CAMTA1: variants seen among roughly 807,000 people sequenced by gnomAD.
The protein encoded by CAMTA1 is calmodulin binding transcription activator 1, also known as calmodulin-binding transcription activator 1.
In CAMTA1, 27 loss-of-function variants were observed where a neutral mutation model predicts 170.9. The ratio of observed to expected loss-of-function variants is 0.16; its 90% CI spans 0.12 to 0.22. The LOEUF (loss-of-function observed/expected upper bound fraction) is 0.22. CAMTA1 is among the 10% of genes least tolerant of loss of function. The pLI is 1.00. For missense variants in CAMTA1, 1,619 were observed against 2,217.2 expected, an observed-to-expected ratio of 0.73 and a Z score of 5.42; for synonymous variants, 833 against 891.5, an observed-to-expected ratio of 0.93 and a Z score of 1.17.
In CAMTA1 at chr1:6,971,357, C is replaced by G. The variant is rs77977945; in HGVS notation, c.235-119947C>G. Among the ~76,000 whole-genome samples, 5,323 of 152,234 alleles carry G rather than the reference C, an allele frequency of 0.035. 128 individuals carry two copies. Among genetic ancestry groups the G allele is most frequent in the Non-Finnish European group, 0.055 (3,744 of 68,012 alleles). ...AAAAGGTAATCAAATAGCAGACGAT[C>G]GGATTGTATCCGTGTCATTCTGCTG... On this transcript the variant is annotated intron_variant, in intron 3 of 22. Coordinates refer to ENST00000303635, the MANE Select transcript of CAMTA1 (RefSeq NM_015215.4). The surrounding 1 kb of genome is among the most constrained non-coding windows in gnomAD (Gnocchi z 4.6).
At chr1:6,923,887 T>C (rs1452150973) in intron 3 of CAMTA1, among the ~76,000 whole-genome samples, 2 of 152,224 alleles carry the variant, frequency 1.3e-5, no homozygotes, top group East Asian at 1.9e-4. Flanking sequence ...GATAATTGTT[T>C]TCTATCACAG....
In CAMTA1 at chr1:6,820,232, A is replaced by T. The variant is rs997449782; in HGVS notation, c.97A>T (p.Thr33Ser). Residue 33 changes from threonine to serine, a missense_variant, in exon 2 of 23, where the codon ACC becomes TCC. Physicochemically the swap from Thr to Ser is moderately conservative, Grantham distance 58. This residue lies in a region of CAMTA1 where 61 missense variants were observed against 57.7 expected (regional missense o/e 1.06). Transcript: ENST00000303635. Reference sequence around the variant, plus strand: ...AACTAGCACCTACTGTGTTCTCAACACCGTGCCACCTATAGAAGGTAGGAT... The same window carrying T: ...AACTAGCACCTACTGTGTTCTCAACTCCGTGCCACCTATAGAAGGTAGGAT... Reference protein sequence around the residue: ...CGTSTYCVLNTVPPIEDDHGN... With the variant: ...CGTSTYCVLNSVPPIEDDHGN... 15 of 1,613,838 alleles carry T rather than the reference A, an allele frequency of 9.3e-6. No individual in the cohort carries two copies. The African/African-American group carries it at 1.7e-4, about 19-fold the overall frequency.
intron 5 of CAMTA1, among the ~76,000 whole-genome samples, chr1:7,417,647 G>A (rs2091280262): frequency 1.3e-5 from 2 of 152,210 alleles, no homozygotes; most frequent in African/African-American, 2.4e-5. Context: ...TAGGGTGGGA[G>A]TGACCCAATT....
At chr1:7,704,529 T>A (rs933052133) in intron 11 of CAMTA1, among the ~76,000 whole-genome samples, 1 of 147,360 alleles carries the variant, frequency 6.8e-6, no homozygotes, top group Non-Finnish European at 1.5e-5. Context: ...GCCCCCGCCG[T>A]CCAGCGCGGC....
intron 4 of CAMTA1, among the ~76,000 whole-genome samples, chr1:7,138,560 C>T (rs1051244382): frequency 3.3e-5 from 5 of 152,158 alleles, no homozygotes; most frequent in African/African-American, 7.2e-5. Context: ...TCTCCCATCC[C>T]GCCTCCCACA....
At position 7,535,635 on chromosome 1, in the gene CAMTA1, A is replaced by C. The variant is rs540726336; in HGVS notation, c.510+67734A>C. Among the ~76,000 whole-genome samples the C allele has an allele frequency of 6.6e-5, 10 of 152,280 alleles. No individual in the cohort carries two copies. In the East Asian group the frequency reaches 1.2e-3, roughly 18 times the overall value. On this transcript the variant is annotated intron_variant, in intron 6 of 22. Coordinates refer to ENST00000303635, the MANE Select transcript of CAMTA1 (RefSeq NM_015215.4). Reference sequence around the variant, plus strand: ...CTTGCAAGCTGGAGAAGACCTTGGAATATGTCACTGATGCAAACACAGGAG... The same window carrying C: ...CTTGCAAGCTGGAGAAGACCTTGGACTATGTCACTGATGCAAACACAGGAG...
intron 3 of CAMTA1, among the ~76,000 whole-genome samples, chr1:6,917,938 G>T (rs187676062): frequency 6.6e-6 from 1 of 152,082 alleles, no homozygotes; most frequent in Non-Finnish European, 1.5e-5. Flanking sequence ...CAGCGAAGAC[G>T]TTCCAGGTAG....
At chr1:7,470,118 C>T (rs1028920225) in intron 6 of CAMTA1, among the ~76,000 whole-genome samples, 6 of 152,228 alleles carry the variant, frequency 3.9e-5, no homozygotes, top group Non-Finnish European at 8.8e-5. Context: ...GGAGCCATCC[C>T]TCCCCATCCC....
chr1:6,977,103 G>A (rs75077858), intron 3 of CAMTA1, among the ~76,000 whole-genome samples: 5,690 of 152,140 alleles, frequency 0.037, 138 homozygotes, highest in Non-Finnish European at 0.048. Flanking sequence ...TATTAGCAGC[G>A]TCAGAACAGA....
rs575174911 is a variant in CAMTA1 at position 7,026,106 on chromosome 1, C to T, written c.235-65198C>T. Among the ~76,000 whole-genome samples the T allele has an allele frequency of 3.3e-5, 5 of 149,652 alleles. No individual in the cohort carries two copies. The East Asian group carries it at 5.9e-4, about 18-fold the overall frequency. ...CTGCACTCAAACCTGGGCAACAGAGCGAGACCCTGCCTTAAAAAAAAAAAA... is the reference window on the plus strand; with the variant it reads ...CTGCACTCAAACCTGGGCAACAGAGTGAGACCCTGCCTTAAAAAAAAAAAA... On this transcript the variant is annotated intron_variant, in intron 3 of 22. Coordinates refer to ENST00000303635, the MANE Select transcript of CAMTA1 (RefSeq NM_015215.4).
chr1:7,147,076 C>T (rs763257712), intron 4 of CAMTA1, among the ~76,000 whole-genome samples: 19 of 151,576 alleles, frequency 1.3e-4, no homozygotes, highest in Non-Finnish European at 2.7e-4. Context: ...CACACATGCA[C>T]ACAAAAACAC....
chr1:7,664,029 G>A lies in CAMTA1; in HGVS notation c.1482G>A (p.Gln494=). 1 of 1,613,956 alleles carries A rather than the reference G, an allele frequency of 6.2e-7. No individual in the cohort carries two copies. The change falls in exon 9 of 23, where the codon CAG becomes CAA. Residue 494 remains glutamine (Q), a synonymous_variant. Coordinates refer to ENST00000303635, the MANE Select transcript of CAMTA1 (RefSeq NM_015215.4). ...DPDCFLNNPK[Q]GQTYGGGGLK... ...ACTGTTTCCTTAATAACCCAAAGCA[G>A]GGCCAGACGTACGGGGGTGGAGGCC... is the stretch of plus-strand genomic sequence containing the variant.
intron 6 of CAMTA1, among the ~76,000 whole-genome samples, chr1:7,628,012 G>GC (rs1368620276): frequency 6.6e-6 from 1 of 152,180 alleles, no homozygotes; most frequent in East Asian, 1.9e-4. Flanking sequence ...AGGCTCATGG[G>GC]CGATGCAACA....
In CAMTA1 at chr1:7,065,034, A is replaced by G. The variant is rs1708784332; in HGVS notation, c.235-26270A>G. Among the ~76,000 whole-genome samples, 1 of 152,190 alleles carries G rather than the reference A, an allele frequency of 6.6e-6. No homozygotes were observed. The highest frequency in any genetic ancestry group is 6.5e-5 in the Admixed American group (1 of 15,276). ...CTACCGAGAAGGCAAAGCCTGGGGA[A>G]AAACAGGTTTGAGGAGGCAAATAAA... On this transcript the variant is annotated intron_variant, in intron 3 of 22. Transcript: ENST00000303635. This position sits in a 1 kb window ranked among gnomAD's most constrained non-coding sequence, Gnocchi z 5.2.
In CAMTA1 at chr1:7,748,104, G is replaced by T. The variant is rs1488969944; in HGVS notation, c.4689+323G>T. On this transcript the variant is annotated intron_variant, in intron 19 of 22. Transcript: ENST00000303635. The surrounding 1 kb of genome is among the most constrained non-coding windows in gnomAD (Gnocchi z 4.7). The stretch of plus-strand genomic sequence containing the variant: ...ATTTTTCTAGTTTTAGTAGAGTCGG[G>T]GTTTCACCATGTTGCCAGGCTGGTC... Among the ~76,000 whole-genome samples the T allele has an allele frequency of 1.3e-5, 2 of 151,750 alleles. No homozygotes were observed. The highest frequency in any genetic ancestry group is 1.3e-4 in the Admixed American group (2 of 15,238).
chr1:7,118,471 A>T (rs190248414), intron 4 of CAMTA1, among the ~76,000 whole-genome samples: 2,005 of 150,202 alleles, frequency 0.013, 44 homozygotes, highest in African/African-American at 0.046. Context: ...TAAAAAAAAA[A>T]TTTTTTTTTG....
chr1:6,889,764 A>G (rs986778499), intron 3 of CAMTA1, among the ~76,000 whole-genome samples: 1 of 152,090 alleles, frequency 6.6e-6, no homozygotes, highest in African/African-American at 2.4e-5. Flanking sequence ...CCATACGACA[A>G]CCCCTGTGAC....
At chr1:7,488,950 CACATACACATAT>C (rs2093661480) in intron 6 of CAMTA1, among the ~76,000 whole-genome samples, 1 of 152,146 alleles carries the variant, frequency 6.6e-6, no homozygotes, top group African/African-American at 2.4e-5. Flanking sequence ...TACACATTCA[CACATACACATAT>C]ACATACAAGC....
At chr1:7,258,157 G>T (rs1354300316) in intron 5 of CAMTA1, among the ~76,000 whole-genome samples, 1 of 152,184 alleles carries the variant, frequency 6.6e-6, no homozygotes, top group Non-Finnish European at 1.5e-5. Context: ...TCTGCCACTG[G>T]TGTTGGGGGA....
Sources: gnomAD v4.1 joint callset for allele counts (sites outside exome capture counted in the v4.1 genomes callset) on GRCh38, gnomAD v4.1.1 for gene constraint, gnomAD v4.1.1 regional missense constraint, Gnocchi (gnomAD v3.1) non-coding constraint, MANE v1.5 for transcripts, NCBI Gene and HGNC (gene_info 2026-07-23, HGNC 2026-07-21) for gene names.